LOXL4: variants seen among roughly 807,000 people sequenced by gnomAD.
The protein encoded by LOXL4 is lysyl oxidase like 4.
Under a neutral mutation model 89.1 loss-of-function variants are expected in LOXL4, and 72 were observed. The observed-to-expected ratio is 0.81, with a 90% confidence interval of 0.67 to 0.98. The LOEUF is 0.98. Ranked by LOEUF, LOXL4 falls within the 50% of genes least tolerant of loss-of-function variation. The pLI is 0.00. For missense variants in LOXL4, 984 were observed against 1,017.5 expected, an observed-to-expected ratio of 0.97 and a Z score of 0.45; for synonymous variants, 355 against 392.1, an observed-to-expected ratio of 0.91 and a Z score of 1.12.
At chr10:98,252,022 A>C (rs184813125) in intron 12 of LOXL4, 5 of 478,366 alleles carry the variant, frequency 1.0e-5, no homozygotes, top group African/African-American at 1.9e-5. Context: ...GCAGTTCCTA[A>C]GGGTTAGGGA....
chr10:98,267,550 T>G (rs1230059861), intron 1 of LOXL4, among the ~76,000 whole-genome samples: 4 of 152,122 alleles, frequency 2.6e-5, no homozygotes, highest in Non-Finnish European at 5.9e-5. Flanking sequence ...CTCAGCAGCC[T>G]CCTCTCAGCC....
intron 5 of LOXL4, 61 bp from the exon 6 acceptor site, chr10:98,259,289 G>C: frequency 6.3e-7 from 1 of 1,583,884 alleles, no homozygotes; most frequent in Non-Finnish European, 8.6e-7. Context: ...CAGGACTAAG[G>C]GAGGCCAAGG....
chr10:98,265,338 T>C (rs12778335), intron 1 of LOXL4, among the ~76,000 whole-genome samples: 20,820 of 106,030 alleles, frequency 0.2, 3,305 homozygotes, highest in Non-Finnish European at 0.23. Context: ...AAACATTAAA[T>C]CCTTAGAAGA....
At chr10:98,266,476 C>T (rs938960763) in intron 1 of LOXL4, among the ~76,000 whole-genome samples, 4 of 152,158 alleles carry the variant, frequency 2.6e-5, no homozygotes, top group Non-Finnish European at 1.5e-5. Flanking sequence ...AGGCTGTGGA[C>T]AGTCCCAGGC....
intron 12 of LOXL4, 200 bp from the exon 13 acceptor site, chr10:98,251,902 C>A (rs541494185): frequency 3.2e-6 from 2 of 620,886 alleles, no homozygotes; most frequent in South Asian, 4.3e-5. Flanking sequence ...CAGTGCAAAT[C>A]CCTGTTGAAC....
chr10:98,252,951 C>T (rs1301332648), intron 11 of LOXL4, among the ~76,000 whole-genome samples: 1 of 152,226 alleles, frequency 6.6e-6, no homozygotes, highest in East Asian at 1.9e-4. Context: ...AAGTCATTGC[C>T]CATTCCTTTC....
intron 8 of LOXL4, 143 bp downstream of exon 8, chr10:98,257,507 C>G (rs547581003): frequency 7.8e-6 from 8 of 1,029,792 alleles, no homozygotes; most frequent in East Asian, 7.4e-5. Flanking sequence ...CAGGTCGGCT[C>G]TAAGGGAAGG....
Position 98,248,645 on chromosome 10 carries a change from T to G in LOXL4, c.*276A>C. The G allele has an allele frequency of 5.0e-6, 2 of 400,626 alleles. No individual in the cohort carries two copies. Among genetic ancestry groups the G allele is most frequent in the Non-Finnish European group, 9.1e-6 (2 of 220,076 alleles). 24.8% of individuals were successfully genotyped at this position (400,626 alleles called of 1,614,324 possible). A position where few individuals can be genotyped will look rare whatever the true frequency, so the allele number is the denominator to read the frequency against. ...GGATCTCTGTGGCAAGATTCAGGGA[T>G]GACTGGGTTTCCTTACAGAAGAGGA... is the stretch of plus-strand genomic sequence containing the variant. On this transcript the variant is annotated 3_prime_UTR_variant, in exon 15 of 15. Coordinates refer to ENST00000260702, the MANE Select transcript of LOXL4 (RefSeq NM_032211.7).
intron 2 of LOXL4, among the ~76,000 whole-genome samples, chr10:98,262,530 T>TA (rs1202802755): frequency 6.6e-6 from 1 of 152,144 alleles, no homozygotes; most frequent in Non-Finnish European, 1.5e-5. Flanking sequence ...TCAAGGAACT[T>TA]AGAGTTTAGT....
Position 98,259,428 on chromosome 10 carries a change from T to G in LOXL4, c.664A>C (p.Lys222Gln), listed in dbSNP as rs756216478. ...EVPVDSHYYRKVWDLKMRDPK... is the reference protein window; with the variant it reads ...EVPVDSHYYRQVWDLKMRDPK... ...TCCCTCATCTTCAGATCCCAGACTTTCCTGTTATGGGAGAAAACAGATAGG... is the reference window on the plus strand; with the variant it reads ...TCCCTCATCTTCAGATCCCAGACTTGCCTGTTATGGGAGAAAACAGATAGG... The change falls in exon 5 of 15, where the codon AAA becomes CAA. Residue 222 changes from lysine (K) to glutamine (Q), a missense_variant and splice_region_variant. By Grantham distance (53) the Lys-to-Gln change is moderately conservative. Coordinates refer to ENST00000260702, the MANE Select transcript of LOXL4 (RefSeq NM_032211.7). The G allele has an allele frequency of 1.2e-6, 2 of 1,613,030 alleles. No individual in the cohort carries two copies. Among genetic ancestry groups the G allele is most frequent in the South Asian group, 2.2e-5 (2 of 90,752 alleles).
At chr10:98,267,326 C>G (rs191128135) in intron 1 of LOXL4, among the ~76,000 whole-genome samples, 3 of 152,166 alleles carry the variant, frequency 2.0e-5, no homozygotes, top group Non-Finnish European at 4.4e-5. Context: ...CGCTGAATGC[C>G]GAGTGACAGA....
In LOXL4 at chr10:98,262,049, C is replaced by A. The variant is rs768838710; in HGVS notation, c.442G>T (p.Ala148Ser). 16 of 1,610,274 alleles carry A rather than the reference C, an allele frequency of 9.9e-6. No individual in the cohort carries two copies. In the East Asian group the frequency reaches 3.6e-4, roughly 36 times the overall value. ...AGCCTCCTCACCTGGGGCCCAAGGG[C>A]ATTGGAGACAGTTTCAGAAAGGTAG... Reference protein sequence around the residue: ...RGYLSETVSNALGPQGRRLEE... With the variant: ...RGYLSETVSNSLGPQGRRLEE... The change falls in exon 3 of 15, where the codon GCC (alanine) becomes TCC (serine). Residue 148 changes from alanine (A) to serine (S), a missense_variant. Coordinates refer to ENST00000260702, the MANE Select transcript of LOXL4 (RefSeq NM_032211.7).
chr10:98,260,812 C>T, intron 4 of LOXL4, 110 bp downstream of exon 4: 1 of 1,163,272 alleles, frequency 8.6e-7, no homozygotes. Context: ...CATGAGTCCA[C>T]ACTCAGACTC....
intron 10 of LOXL4, 84 bp from the exon 11 acceptor site, chr10:98,253,880 C>T: frequency 1.3e-6 from 2 of 1,567,476 alleles, no homozygotes; most frequent in Admixed American, 1.8e-5. Context: ...CAAGCTTGCC[C>T]CCAGATTAAA....
intron 9 of LOXL4, chr10:98,255,990 C>A (rs891812906): frequency 4.7e-6 from 2 of 426,838 alleles, no homozygotes; most frequent in Non-Finnish European, 8.4e-6. Flanking sequence ...TGGCCCTACA[C>A]CCCTCTCTCT....
rs757507878 is a variant in LOXL4 at position 98,253,835 on chromosome 10, G to A, written c.1592-39C>T. The A allele has an allele frequency of 5.6e-6, 9 of 1,610,838 alleles. No individual in the cohort carries two copies. In the Admixed American group the frequency reaches 1.5e-4, roughly 27 times the overall value. On this transcript the variant is annotated intron_variant, in intron 10 of 14. Transcript: ENST00000260702. ...GGGCATGGCAGTGACTCAAAGGGTG[G>A]AAAGGCAGCCAGTCTTAGTCTCCAG...
intron 1 of LOXL4, among the ~76,000 whole-genome samples, chr10:98,266,167 A>G (rs10736126): frequency 0.44 from 67,075 of 152,004 alleles, 15,547 homozygotes; most frequent in East Asian, 0.74. Context: ...GATGGGACAG[A>G]TCGGCCTCAG....
chr10:98,265,235 G>T (rs1013045083), intron 1 of LOXL4, among the ~76,000 whole-genome samples: 6 of 152,146 alleles, frequency 3.9e-5, no homozygotes, highest in Admixed American at 1.3e-4. Flanking sequence ...TTGGGCCAGC[G>T]ATTTAGTTTC....
chr10:98,258,984 T>G, intron 6 of LOXL4, 25 bp downstream of exon 6: 1 of 1,500,176 alleles, frequency 6.7e-7, no homozygotes, highest in South Asian at 1.3e-5. Context: ...AGCTGTGGTG[T>G]GAGTGCAGGA....
Sources: gnomAD v4.1 joint callset for allele counts (sites outside exome capture counted in the v4.1 genomes callset) on GRCh38, gnomAD v4.1.1 for gene constraint, MANE v1.5 for transcripts, NCBI Gene and HGNC (gene_info 2026-07-23, HGNC 2026-07-21) for gene names.